FRMD4A: variants seen among roughly 807,000 people sequenced by gnomAD.
The protein encoded by FRMD4A is FERM domain containing 4A.
In FRMD4A, 29 loss-of-function variants were observed where a neutral mutation model predicts 129.1. The ratio of observed to expected loss-of-function variants is 0.22; its 90% CI spans 0.17 to 0.31. The LOEUF is 0.31. Ranked by LOEUF, FRMD4A falls within the 10% of genes least tolerant of loss-of-function variation. The probability of loss-of-function intolerance (pLI) is 1.00; values close to 1 mark genes in which losing one functional copy is unlikely to be tolerated. For missense variants in FRMD4A, 1,272 were observed against 1,375.8 expected, an observed-to-expected ratio of 0.92 and a Z score of 1.19; for synonymous variants, 634 against 571.6, an observed-to-expected ratio of 1.11 and a Z score of -1.56.
intron 6 of FRMD4A, among the ~76,000 whole-genome samples, chr10:13,778,087 C>G (rs2092643090): frequency 6.6e-6 from 1 of 152,028 alleles, no homozygotes; most frequent in Non-Finnish European, 1.5e-5. Flanking sequence ...AGGCGTGGGC[C>G]GGGGACAATT....
At chr10:13,886,119 C>G (rs768702650) in intron 2 of FRMD4A, among the ~76,000 whole-genome samples, 18 of 152,146 alleles carry the variant, frequency 1.2e-4, no homozygotes, top group Non-Finnish European at 2.6e-4. Flanking sequence ...GTGGCGAGAG[C>G]GTAATGGTAC....
intron 3 of FRMD4A, among the ~76,000 whole-genome samples, chr10:13,811,718 G>A (rs955949148): frequency 1.3e-5 from 2 of 152,128 alleles, no homozygotes; most frequent in Admixed American, 6.5e-5. Flanking sequence ...GCACTGAAGT[G>A]GGGGAGGGAG....
chr10:13,681,141 C>T (rs912913190), intron 15 of FRMD4A, among the ~76,000 whole-genome samples: 2 of 152,196 alleles, frequency 1.3e-5, no homozygotes, highest in Non-Finnish European at 2.9e-5. Context: ...TTACAACAGG[C>T]ATCTTATACA....
chr10:14,007,089 G>C (rs574383660), intron 2 of FRMD4A: 1 of 151,864 alleles, frequency 6.6e-6, no homozygotes, highest in East Asian at 1.9e-4. Context: ...ATACCAACCA[G>C]AAAAAGTCAC....
chr10:14,039,382 CCA>C (rs1491295455), intron 2 of FRMD4A, among the ~76,000 whole-genome samples: 15 of 113,708 alleles, frequency 1.3e-4, no homozygotes, highest in African/African-American at 5.0e-4. Context: ...ATCCATCCAT[CCA>C]TCCATCCATC....
At chr10:13,662,249 G>A (rs1042465147) in intron 19 of FRMD4A, among the ~76,000 whole-genome samples, 18 of 152,158 alleles carry the variant, frequency 1.2e-4, no homozygotes, top group African/African-American at 4.3e-4. Context: ...GGCTTGTAAT[G>A]AAGCAGACAA....
At position 13,718,308 on chromosome 10, in the gene FRMD4A, G is replaced by T. The variant is rs148888327; in HGVS notation, c.760-11195C>A. On this transcript the variant is annotated intron_variant, in intron 12 of 24. Transcript: ENST00000357447. ...TCAAGTCAGGCTGCTGCTGGGAGAA[G>T]GAACGCTTGCGGTCTCGCCAGCTGC... is the stretch of plus-strand genomic sequence containing the variant. 1.7e-3 allele frequency among the ~76,000 whole-genome samples: 262 copies of T among 152,368 alleles called. 1 individual carries two copies. The highest frequency in any genetic ancestry group is 6.0e-3 in the African/African-American group (248 of 41,596).
At chr10:13,731,649 C>CAAAAA (rs35512356) in intron 12 of FRMD4A, among the ~76,000 whole-genome samples, 10 of 116,542 alleles carry the variant, frequency 8.6e-5, no homozygotes, top group African/African-American at 3.0e-4. Context: ...GACTTCATCT[C>CAAAAA]AAAAAAAAAA....
At chr10:13,919,962 C>CACAA (rs1490477314) in intron 2 of FRMD4A, among the ~76,000 whole-genome samples, 66 of 152,014 alleles carry the variant, frequency 4.3e-4, no homozygotes, top group Admixed American at 2.8e-3. Flanking sequence ...CAAACAAACA[C>CACAA]ACAAACAAAC....
At chr10:13,861,505 T>A (rs1464101230) in intron 2 of FRMD4A, among the ~76,000 whole-genome samples, 1 of 152,174 alleles carries the variant, frequency 6.6e-6, no homozygotes, top group Non-Finnish European at 1.5e-5. Context: ...TAACAATGAC[T>A]TAGCAGCCCC....
chr10:13,728,210 A>T (rs1564700169), intron 12 of FRMD4A, among the ~76,000 whole-genome samples: 1 of 151,568 alleles, frequency 6.6e-6, no homozygotes, highest in Non-Finnish European at 1.5e-5. Context: ...AGTTTTATTC[A>T]TTTTTTTTTA....
chr10:14,080,253 G>A (rs187617026), intron 2 of FRMD4A, among the ~76,000 whole-genome samples: 1 of 152,162 alleles, frequency 6.6e-6, no homozygotes, highest in East Asian at 1.9e-4. Flanking sequence ...AGTGTCTCTG[G>A]AGAAGTATTT....
intron 2 of FRMD4A, among the ~76,000 whole-genome samples, chr10:14,140,564 G>T (rs1391870371): frequency 6.6e-6 from 1 of 152,114 alleles, no homozygotes. Flanking sequence ...CCGGGCATCA[G>T]CCCCTTCTCC....
At chr10:14,090,405 C>A (rs952456974) in intron 2 of FRMD4A, among the ~76,000 whole-genome samples, 1 of 152,112 alleles carries the variant, frequency 6.6e-6, no homozygotes, top group Non-Finnish European at 1.5e-5. Context: ...GTAAAAGGAC[C>A]GGGCACTGCA....
rs541584070 is a variant in FRMD4A at position 13,644,430 on chromosome 10, G to C, written c.*2608C>G. Reference sequence around the variant, plus strand: ...GTACATTTTGTATTAACTGAACTCAGCTAAACAGTAAAACCTGTTTTACTT... The same window carrying C: ...GTACATTTTGTATTAACTGAACTCACCTAAACAGTAAAACCTGTTTTACTT... On this transcript the variant is annotated 3_prime_UTR_variant, in exon 25 of 25. Coordinates refer to ENST00000357447, the MANE Select transcript of FRMD4A (RefSeq NM_018027.5). 2 of 152,202 alleles carry C rather than the reference G, an allele frequency of 1.3e-5. No homozygotes were observed. The highest frequency in any genetic ancestry group is 2.1e-4 in the South Asian group (1 of 4,828). The allele number at this position is 152,202 out of a possible 1,614,324, so 9.4% of individuals were successfully genotyped here. A position where few individuals can be genotyped will look rare whatever the true frequency, so the allele number is the denominator to read the frequency against.
chr10:13,683,544 C>T (rs2084801238), intron 15 of FRMD4A, among the ~76,000 whole-genome samples: 1 of 152,010 alleles, frequency 6.6e-6, no homozygotes, highest in Non-Finnish European at 1.5e-5. Context: ...GTACACTGAG[C>T]TATGCTCACA....
chr10:14,052,517 G>T (rs1393940100), intron 2 of FRMD4A, among the ~76,000 whole-genome samples: 1 of 152,082 alleles, frequency 6.6e-6, no homozygotes, highest in African/African-American at 2.4e-5. Context: ...GCATGACATG[G>T]CAAGAGAGGA....
chr10:13,662,971 G>T lies in FRMD4A; in HGVS notation c.1660+482C>A, dbSNP rs549818767. ...GCCTGTAATCCTCCCAGCACTTTGG[G>T]AGGCCGAGGTGGGTGGGTCGCTTGA... On this transcript the variant is annotated intron_variant, in intron 19 of 24. Transcript: ENST00000357447. Among the ~76,000 whole-genome samples the T allele has an allele frequency of 1.6e-4, 24 of 152,168 alleles. No individual in the cohort carries two copies. The East Asian group carries it at 2.9e-3, about 18-fold the overall frequency.
At position 14,172,010 on chromosome 10, in the gene FRMD4A, G is replaced by A. The variant is rs550569361; in HGVS notation, c.45+158048C>T. Among the ~76,000 whole-genome samples, 10 of 152,246 alleles carry A rather than the reference G, an allele frequency of 6.6e-5. No individual in the cohort carries two copies. The South Asian group carries it at 1.9e-3, about 28-fold the overall frequency. On this transcript the variant is annotated intron_variant, in intron 2 of 24. Transcript: ENST00000357447. ...GTAATTTCAACAACATTTGGACAGG[G>A]CAACTTAGGATTTAAAACCAAGCCT...
Sources: gnomAD v4.1 joint callset for allele counts (sites outside exome capture counted in the v4.1 genomes callset) on GRCh38, gnomAD v4.1.1 for gene constraint, MANE v1.5 for transcripts, NCBI Gene and HGNC (gene_info 2026-07-23, HGNC 2026-07-21) for gene names.